AHCTF1: variants seen among roughly 807,000 people sequenced by gnomAD.
The protein encoded by AHCTF1 is AT-hook containing transcription factor 1, also known as protein ELYS.
In AHCTF1, 24 loss-of-function variants were observed where a neutral mutation model predicts 248.4. The ratio of observed to expected loss-of-function variants is 0.10; its 90% CI spans 0.07 to 0.14. The LOEUF (loss-of-function observed/expected upper bound fraction) is 0.14. Ranked by LOEUF, AHCTF1 falls within the 10% of genes least tolerant of loss-of-function variation. AHCTF1 has a pLI of 1.00. For missense variants in AHCTF1, 2,206 were observed against 2,636.2 expected (o/e 0.84, Z 3.57); for synonymous variants, 786 against 929.8 (o/e 0.85, Z 2.81).
At chr1:246,847,141 G>A (rs4971286) in intron 33 of AHCTF1, among the ~76,000 whole-genome samples, 36,568 of 151,690 alleles carry the variant, frequency 0.24, 4,615 homozygotes, top group Admixed American at 0.29. Context: ...ACAAAAAAAT[G>A]ACCCAGGCGT....
intron 33 of AHCTF1, among the ~76,000 whole-genome samples, chr1:246,845,366 A>T (rs1450868000): frequency 5.1e-5 from 5 of 98,786 alleles, no homozygotes; most frequent in Admixed American, 1.7e-4. Flanking sequence ...TATGATTCTT[A>T]AAAAAAAGAA....
At chr1:246,856,132 A>C (rs925913550) in intron 30 of AHCTF1, among the ~76,000 whole-genome samples, 1 of 152,230 alleles carries the variant, frequency 6.6e-6, no homozygotes, top group Non-Finnish European at 1.5e-5. Context: ...AATTTTTAAT[A>C]ATCTGTGGCC....
intron 8 of AHCTF1, 72 bp from the exon 9 acceptor site, chr1:246,900,541 G>C: frequency 3.4e-6 from 5 of 1,453,344 alleles, no homozygotes; most frequent in Non-Finnish European, 4.6e-6. Context: ...CAGAATTATA[G>C]CAAGATTTTC....
intron 6 of AHCTF1, among the ~76,000 whole-genome samples, chr1:246,904,691 G>A (rs1191536693): frequency 1.3e-5 from 2 of 152,152 alleles, no homozygotes; most frequent in Non-Finnish European, 2.9e-5. Context: ...ACCCTGTAGT[G>A]AACTCAAGCA....
chr1:246,888,332 G>C, intron 18 of AHCTF1, 62 bp downstream of exon 18: 2 of 1,612,118 alleles, frequency 1.2e-6, no homozygotes, highest in Non-Finnish European at 1.7e-6. Flanking sequence ...ACACAGCTAA[G>C]CATGTCTCCT....
chr1:246,883,195 T>C (rs1174685961), intron 21 of AHCTF1, among the ~76,000 whole-genome samples: 2 of 152,190 alleles, frequency 1.3e-5, no homozygotes, highest in Non-Finnish European at 2.9e-5. Context: ...TATTAAAACT[T>C]TTTCAGCCAT....
intron 4 of AHCTF1, among the ~76,000 whole-genome samples, chr1:246,911,447 A>G (rs1172340653): frequency 6.7e-6 from 1 of 149,078 alleles, no homozygotes; most frequent in Non-Finnish European, 1.5e-5. Flanking sequence ...TACATACCAA[A>G]TTTTAAGGTA....
intron 8 of AHCTF1, 133 bp downstream of exon 8, chr1:246,902,392 T>C (rs1042911865): frequency 4.5e-6 from 5 of 1,109,144 alleles, no homozygotes; most frequent in Admixed American, 4.6e-5. Flanking sequence ...GTATCTCATA[T>C]AGAACTGAAT....
intron 15 of AHCTF1, 107 bp downstream of exon 15, chr1:246,891,672 T>G (rs1167428736): frequency 8.4e-7 from 1 of 1,188,478 alleles, no homozygotes; most frequent in African/African-American, 1.6e-5. Flanking sequence ...AGAAATAAAG[T>G]CCTCTTTACA....
intron 1 of AHCTF1, among the ~76,000 whole-genome samples, chr1:246,926,464 G>C (rs528992602): frequency 2.0e-5 from 3 of 152,278 alleles, no homozygotes; most frequent in South Asian, 4.1e-4. Context: ...GTTTAATAAA[G>C]TTTTTCAAAT....
chr1:246,931,363 A>T (rs924686329), intron 1 of AHCTF1: 15 of 1,528,958 alleles, frequency 9.8e-6, no homozygotes, highest in Non-Finnish European at 1.2e-5. Context: ...TTATGTAACG[A>T]AGCCCGGCGC....
intron 26 of AHCTF1, chr1:246,865,260 A>T (rs1285249266): frequency 6.6e-6 from 1 of 152,198 alleles, no homozygotes; most frequent in Non-Finnish European, 1.5e-5. Context: ...CTCACCTGAG[A>T]ATAACCAGAA....
intron 31 of AHCTF1, among the ~76,000 whole-genome samples, chr1:246,854,750 C>CA (rs1439090662): frequency 1.2e-4 from 18 of 150,676 alleles, no homozygotes; most frequent in South Asian, 4.2e-4. Flanking sequence ...ATTTTACCAA[C>CA]AAAAAAAAAT....
chr1:246,927,084 G>A (rs1456193589), intron 1 of AHCTF1, among the ~76,000 whole-genome samples: 3 of 148,488 alleles, frequency 2.0e-5, no homozygotes, highest in South Asian at 2.1e-4. Flanking sequence ...AGGCTGAGGA[G>A]GGAGAATGGC....
chr1:246,911,519 T>C (rs1348376320), intron 4 of AHCTF1, among the ~76,000 whole-genome samples: 2 of 149,906 alleles, frequency 1.3e-5, no homozygotes, highest in East Asian at 2.0e-4. Flanking sequence ...GTTTCACTCT[T>C]GTTGCCCAGG....
chr1:246,898,179 A>C (rs2103161946), intron 12 of AHCTF1, 29 bp downstream of exon 12: 1 of 1,609,758 alleles, frequency 6.2e-7, no homozygotes, highest in South Asian at 1.1e-5. Flanking sequence ...TCCAACCAAA[A>C]GAAACAATAG....
At chr1:246,920,555 G>C (rs1364404283) in intron 1 of AHCTF1, among the ~76,000 whole-genome samples, 1 of 150,628 alleles carries the variant, frequency 6.6e-6, no homozygotes, top group South Asian at 2.1e-4. Context: ...CGAATCATGA[G>C]GTCAGGAGAT....
At chr1:246,861,391 G>T in intron 28 of AHCTF1, 96 bp from the exon 29 acceptor site, 2 of 1,156,162 alleles carry the variant, frequency 1.7e-6, no homozygotes, top group Non-Finnish European at 1.2e-6. Flanking sequence ...TACTTTCTTT[G>T]TTGTTTTTAC....
At chr1:246,916,816 A>G (rs1666184143) in intron 2 of AHCTF1, among the ~76,000 whole-genome samples, 1 of 152,194 alleles carries the variant, frequency 6.6e-6, no homozygotes, top group South Asian at 2.1e-4. Context: ...GCAGAAGTAG[A>G]TCCCAAGCCT....
Sources: gnomAD v4.1 joint callset for allele counts (sites outside exome capture counted in the v4.1 genomes callset) on GRCh38, gnomAD v4.1.1 for gene constraint, MANE v1.5 for transcripts, NCBI Gene and HGNC (gene_info 2026-07-23, HGNC 2026-07-21) for gene names.